SMARCA2: variants seen among roughly 807,000 people sequenced by gnomAD.
The protein encoded by SMARCA2 is SWI/SNF related BAF chromatin remodeling complex subunit ATPase 2.
In SMARCA2, 61 loss-of-function variants were observed where a neutral mutation model predicts 199.8. The observed-to-expected ratio is 0.31, with a 90% CI of 0.25 to 0.38. SMARCA2 has a LOEUF of 0.38. Among genes scored for constraint, SMARCA2 ranks in the 10% least tolerant of loss-of-function variants. The pLI, the probability that SMARCA2 is intolerant of heterozygous loss-of-function variation, is 1.00. For synonymous variants in SMARCA2, 935 were observed against 732.0 expected, an observed-to-expected ratio of 1.28 and a Z score of -4.48; for missense variants, 1,344 against 2,012.2, an observed-to-expected ratio of 0.67 and a Z score of 6.35.
At chr9:2,185,634 T>C (rs1266588747) in intron 31 of SMARCA2, among the ~76,000 whole-genome samples, 1 of 152,166 alleles carries the variant, frequency 6.6e-6, no homozygotes, top group African/African-American at 2.4e-5. Flanking sequence ...TGCTCAGACA[T>C]GTGTATCCAT....
In SMARCA2 at chr9:2,099,342, T is replaced by G. The variant is rs1422180408; in HGVS notation, c.3078+1871T>G. Among the ~76,000 whole-genome samples, 3 of 152,186 alleles carry G rather than the reference T, an allele frequency of 2.0e-5. No homozygotes were observed. The South Asian group carries it at 6.2e-4, about 31-fold the overall frequency. On this transcript the variant is annotated intron_variant, in intron 21 of 33. Coordinates refer to ENST00000349721, the MANE Select transcript of SMARCA2 (RefSeq NM_003070.5). ...TCTGAAAACAATTTTAAGACATGTA[T>G]GGTAATCTATGGGGGCCTTTGGGGA...
chr9:2,147,357 G>T (rs1211598465), intron 27 of SMARCA2, among the ~76,000 whole-genome samples: 3 of 151,716 alleles, frequency 2.0e-5, no homozygotes, highest in Non-Finnish European at 4.4e-5. Context: ...ATTGGTCAAC[G>T]AAAACATTCA....
chr9:2,186,058 AG>A (rs1178406589), intron 31 of SMARCA2, 37 bp from the exon 32 acceptor site: 1 of 1,602,810 alleles, frequency 6.2e-7, no homozygotes, highest in South Asian at 1.1e-5. Context: ...ATGGTAACTC[AG>A]CTTGCAGTTT....
chr9:2,142,711 T>A (rs554789487), intron 27 of SMARCA2, among the ~76,000 whole-genome samples: 2 of 152,246 alleles, frequency 1.3e-5, no homozygotes, highest in African/African-American at 4.8e-5. Context: ...GAGGCTGGAG[T>A]AGGGCAAACT....
At chr9:2,045,153 C>T (rs1464172308) in intron 4 of SMARCA2, 3 of 152,102 alleles carry the variant, frequency 2.0e-5, no homozygotes, top group African/African-American at 4.8e-5. Context: ...ATTATTTGAA[C>T]TGGGAGGAAA....
rs185398186 is a variant in SMARCA2 at position 2,101,879 on chromosome 9, G to T, written c.3125+263G>T. 2.0e-5 allele frequency among the ~76,000 whole-genome samples: 3 copies of T among 152,310 alleles called. No homozygotes were observed. The East Asian group carries it at 5.8e-4, about 29-fold the overall frequency. ...AGTATCCTAGTGTTCTAAAAATGTT[G>T]TTGAAGCTTCAAAGGTTTGTTATTT... On this transcript the variant is annotated intron_variant, in intron 22 of 33. Transcript: ENST00000349721.
rs543785093 is a variant in SMARCA2, at chr9:2,054,518, G to A, written c.1047-79G>A. 335 of 1,535,342 alleles carry A rather than the reference G, an allele frequency of 2.2e-4. 4 individuals carry two copies. In the Middle Eastern group the frequency reaches 2.8e-3, roughly 13 times the overall value. ...GTTTTGCCCCGGACTTAAACCTAATGTCATTGTTTATCATTTAAGATTAAA... is the reference window on the plus strand; with the variant it reads ...GTTTTGCCCCGGACTTAAACCTAATATCATTGTTTATCATTTAAGATTAAA... On this transcript the variant is annotated intron_variant, in intron 5 of 33. Coordinates refer to ENST00000349721, the MANE Select transcript of SMARCA2 (RefSeq NM_003070.5).
At chr9:2,060,118 CAAAA>C (rs372329238) in intron 8 of SMARCA2, among the ~76,000 whole-genome samples, 46 of 62,392 alleles carry the variant, frequency 7.4e-4, no homozygotes, top group African/African-American at 7.5e-4. Flanking sequence ...GATCTGTGGC[CAAAA>C]AAAAAAAAAA....
intron 9 of SMARCA2, chr9:2,069,069 A>T (rs1820969759): frequency 6.6e-6 from 1 of 151,600 alleles, no homozygotes; most frequent in South Asian, 2.1e-4. Flanking sequence ...GGTACCCACC[A>T]CAACACCCGG....
chr9:2,151,382 T>C (rs1825067577), intron 27 of SMARCA2, among the ~76,000 whole-genome samples: 1 of 151,404 alleles, frequency 6.6e-6, no homozygotes, highest in African/African-American at 2.4e-5. Flanking sequence ...GATGTGAAAA[T>C]GGCAACAGGA....
chr9:2,087,134 G>A, intron 18 of SMARCA2, 63 bp downstream of exon 18: 2 of 1,595,136 alleles, frequency 1.3e-6, no homozygotes, highest in East Asian at 4.5e-5. Flanking sequence ...AGGCCCTAAA[G>A]CTGAGAACAT....
At chr9:2,144,305 C>T (rs1287565559) in intron 27 of SMARCA2, among the ~76,000 whole-genome samples, 2 of 152,108 alleles carry the variant, frequency 1.3e-5, no homozygotes, top group African/African-American at 2.4e-5. Flanking sequence ...GCGACCCCTG[C>T]GTACTGTGAC....
intron 23 of SMARCA2, among the ~76,000 whole-genome samples, chr9:2,106,000 A>G (rs78309230): frequency 0.02 from 3,120 of 152,324 alleles, 99 homozygotes; most frequent in African/African-American, 0.071. Context: ...TTAATAGTTT[A>G]TTGGCTGCTG....
At chr9:2,172,791 G>C (rs1341880782) in intron 29 of SMARCA2, among the ~76,000 whole-genome samples, 1 of 152,176 alleles carries the variant, frequency 6.6e-6, no homozygotes, top group Non-Finnish European at 1.5e-5. Context: ...CTGTCATGTG[G>C]GAGAGGGGAG....
At chr9:2,157,971 A>G in intron 27 of SMARCA2, 1 of 397,926 alleles carries the variant, frequency 2.5e-6, no homozygotes, top group East Asian at 3.6e-5. Context: ...GCTAGCTGCA[A>G]AGCGTTTCCT....
intron 31 of SMARCA2, among the ~76,000 whole-genome samples, chr9:2,182,752 C>A (rs1429164490): frequency 6.6e-6 from 1 of 151,616 alleles, no homozygotes; most frequent in Non-Finnish European, 1.5e-5. Flanking sequence ...GCCTCGGCCT[C>A]CCAAAGTGTT....
chr9:2,084,306 T>G, intron 17 of SMARCA2, 110 bp downstream of exon 17: 1 of 625,220 alleles, frequency 1.6e-6, no homozygotes, highest in Non-Finnish European at 2.8e-6. Context: ...TGTCCTTTTC[T>G]TTATTTTTCT....
intron 27 of SMARCA2, among the ~76,000 whole-genome samples, chr9:2,148,676 T>C (rs1824889773): frequency 1.3e-5 from 2 of 151,316 alleles, no homozygotes; most frequent in African/African-American, 4.8e-5. Flanking sequence ...ACCCAACTAA[T>C]TTTTTTATTT....
chr9:2,119,886 G>C lies in SMARCA2; in HGVS notation c.3762+351G>C, dbSNP rs968521094. Among the ~76,000 whole-genome samples, 3 of 152,210 alleles carry C rather than the reference G, an allele frequency of 2.0e-5. No individual in the cohort carries two copies. Among genetic ancestry groups the C allele is most frequent in the African/African-American group, 7.2e-5 (3 of 41,456 alleles). Reference sequence around the variant, plus strand: ...CTCTGGACAGGCCTCGCGGTCTACAGCTTACCATAGACGCCCTCCTGTTCC... The same window carrying C: ...CTCTGGACAGGCCTCGCGGTCTACACCTTACCATAGACGCCCTCCTGTTCC... On this transcript the variant is annotated intron_variant, in intron 26 of 33. Transcript: ENST00000349721. This position sits in a 1 kb window ranked among gnomAD's most constrained non-coding sequence, Gnocchi z 4.6.
Sources: allele counts gnomAD v4.1 joint callset (sites outside exome capture counted in the v4.1 genomes callset), GRCh38; gene constraint gnomAD v4.1.1; non-coding constraint Gnocchi (gnomAD v3.1); transcripts MANE v1.5; gene names NCBI Gene and HGNC (gene_info 2026-07-23, HGNC 2026-07-21).